ADGRF1: variants seen among roughly 807,000 people sequenced by gnomAD.
The protein encoded by ADGRF1 is adhesion G protein-coupled receptor F1.
A neutral mutation model predicts 87.2 loss-of-function variants in ADGRF1; 85 were observed. The ratio of observed to expected loss-of-function variants is 0.97; its 90% CI spans 0.82 to 1.17. The LOEUF (loss-of-function observed/expected upper bound fraction) is 1.17, where lower values mean the gene tolerates loss of function less well. Among genes scored for constraint, ADGRF1 ranks in the 50% most tolerant of loss-of-function variants. The pLI, the probability that ADGRF1 is intolerant of heterozygous loss-of-function variation, is 0.00. For missense variants in ADGRF1, 1,169 were observed against 1,077.2 expected, an observed-to-expected ratio of 1.09 and a Z score of -1.19; for synonymous variants, 430 against 408.8, an observed-to-expected ratio of 1.05 and a Z score of -0.63.
rs73480729 is a variant in ADGRF1 at position 47,014,892 on chromosome 6, G to A, written c.764-48C>T. 2.6e-6 allele frequency: 4 copies of A among 1,545,296 alleles called. No individual in the cohort carries two copies. The East Asian group carries it at 6.9e-5, about 27-fold the overall frequency. ...AAGAAAAATGATCCTAGAATATCCT[G>A]GCACTCTATATAAACCATGTAGTCA... is the stretch of plus-strand genomic sequence containing the variant. On this transcript the variant is annotated intron_variant, in intron 8 of 14. Transcript: ENST00000371253.
At chr6:47,006,337 C>T (rs1423801873) in intron 12 of ADGRF1, among the ~76,000 whole-genome samples, 1 of 152,048 alleles carries the variant, frequency 6.6e-6, no homozygotes, top group Non-Finnish European at 1.5e-5. Context: ...AAAGACTATA[C>T]ATCTATTAGC....
chr6:47,031,331 T>TTCTCTCTCTCTC (rs368788829), intron 1 of ADGRF1, among the ~76,000 whole-genome samples: 7 of 128,244 alleles, frequency 5.5e-5, no homozygotes, highest in African/African-American at 1.8e-4. Flanking sequence ...TCTCTCTCTC[T>TTCTCTCTCTCTC]TCTCTCTCTC....
rs1296564472 is a variant in ADGRF1 at position 47,009,962 on chromosome 6, T to G, written c.1473A>C (p.Leu491=). The G allele has an allele frequency of 1.2e-6, 2 of 1,614,118 alleles. No homozygotes were observed. The highest frequency in any genetic ancestry group is 1.7e-6 in the Non-Finnish European group (2 of 1,179,984). ...SMASLTLGNI[L]PVSKNGNAQV... Reference sequence around the variant, plus strand: ...GAGCATTTCCATTTTTGGAAACGGGTAGAATGTTCCCCAGAGTCAACGAGG... The same window carrying G: ...GAGCATTTCCATTTTTGGAAACGGGGAGAATGTTCCCCAGAGTCAACGAGG... Residue 491 remains leucine (L), a synonymous_variant, in exon 11 of 15, where the codon CTA becomes CTC. Transcript: ENST00000371253.
At chr6:47,023,043 G>A (rs1255845486) in intron 5 of ADGRF1, among the ~76,000 whole-genome samples, 1 of 151,958 alleles carries the variant, frequency 6.6e-6, no homozygotes, top group Non-Finnish European at 1.5e-5. Flanking sequence ...AACTCCTCCT[G>A]AGCTCAAGCA....
At chr6:47,018,179 AG>A (rs1779936855) in intron 7 of ADGRF1, 2 of 298,284 alleles carry the variant, frequency 6.7e-6, no homozygotes, top group Admixed American at 9.7e-5. Context: ...TCTGGAGTTC[AG>A]GGGAGTGCCC....
rs367783074 is a variant in ADGRF1, at chr6:47,025,963, A to G, written c.168T>C (p.Tyr56=). Reference sequence around the variant, plus strand: ...AATCTCTTTTCTCCTTGGAATCTCTATAGGTCACCTGAAGCAGCAGCTGAT... The same window carrying G: ...AATCTCTTTTCTCCTTGGAATCTCTGTAGGTCACCTGAAGCAGCAGCTGAT... The part of the protein sequence containing the change: ...EEYQLLLQVT[Y]RDSKEKRDLR... Residue 56 remains tyrosine (Y), a synonymous_variant, in exon 4 of 15, where the codon TAT becomes TAC. Coordinates refer to ENST00000371253, the MANE Select transcript of ADGRF1 (RefSeq NM_153840.4). 5.0e-6 allele frequency: 8 copies of G among 1,610,394 alleles called. No homozygotes were observed. Among genetic ancestry groups the G allele is most frequent in the African/African-American group, 1.3e-5 (1 of 75,010 alleles).
chr6:47,033,592 C>T (rs1170019037), intron 1 of ADGRF1, among the ~76,000 whole-genome samples: 1 of 152,260 alleles, frequency 6.6e-6, no homozygotes, highest in Non-Finnish European at 1.5e-5. Flanking sequence ...TCCGTCTTGG[C>T]CTCACATGCG....
intron 13 of ADGRF1, among the ~76,000 whole-genome samples, chr6:47,004,185 A>G (rs1290318134): frequency 6.6e-6 from 1 of 152,132 alleles, no homozygotes; most frequent in Non-Finnish European, 1.5e-5. Flanking sequence ...TTTGCTCACC[A>G]GCGAGTTTCT....
chr6:46,999,356 G>A lies in ADGRF1; in HGVS notation c.*866C>T, dbSNP rs1372313860. 6.6e-6 allele frequency: 1 copy of A among 152,176 alleles called. No homozygotes were observed. The highest frequency in any genetic ancestry group is 2.4e-5 in the African/African-American group (1 of 41,438). 9.4% of individuals were successfully genotyped at this position (152,176 alleles called of 1,614,324 possible). On this transcript the variant is annotated 3_prime_UTR_variant, in exon 15 of 15. Coordinates refer to ENST00000371253, the MANE Select transcript of ADGRF1 (RefSeq NM_153840.4). ...ATGGTGAACTGTGTAACTGACCTCA[G>A]AAAGATTTACTAGAGATGTAGGTAA...
rs150127720 is a variant in ADGRF1 at position 47,016,755 on chromosome 6, C to T, written c.625G>A (p.Val209Ile). ...QVTQFRNGSI[V>I]AGYEVVGSSS... ...GAGCCAACAACTTCATACCCAGCAA[C>T]GATGCTTCCATTTCTGCAGTGATTA... The change falls in exon 8 of 15, where the codon GTT becomes ATT. Residue 209 changes from valine (V) to isoleucine (I), a missense_variant. Transcript: ENST00000371253. 8.8e-6 allele frequency: 14 copies of T among 1,584,328 alleles called. No homozygotes were observed. The highest frequency in any genetic ancestry group is 1.7e-4 in the Middle Eastern group (1 of 5,988).
intron 2 of ADGRF1, among the ~76,000 whole-genome samples, chr6:47,028,072 G>A (rs754473207): frequency 3.5e-4 from 53 of 152,304 alleles, no homozygotes; most frequent in African/African-American, 1.3e-3. Context: ...ATAGGCCATG[G>A]AAAGGGTTTT....
intron 5 of ADGRF1, among the ~76,000 whole-genome samples, chr6:47,023,475 C>T (rs960275717): frequency 6.6e-6 from 1 of 152,164 alleles, no homozygotes; most frequent in Non-Finnish European, 1.5e-5. Context: ...TGTCATTTGG[C>T]TCATCTCACC....
chr6:47,021,134 A>G (rs936543615), intron 6 of ADGRF1, among the ~76,000 whole-genome samples: 2 of 152,206 alleles, frequency 1.3e-5, no homozygotes, highest in Admixed American at 6.5e-5. Context: ...AAAACAAGCC[A>G]TTAATTTTTA....
In ADGRF1 at chr6:47,009,408, A is replaced by G. The variant is rs1436601706; in HGVS notation, c.2027T>C (p.Leu676Pro). 2 of 1,613,852 alleles carry G rather than the reference A, an allele frequency of 1.2e-6. No homozygotes were observed. The highest frequency in any genetic ancestry group is 1.7e-6 in the Non-Finnish European group (2 of 1,179,920). ...GTAAGCCAGCAGGATGCCAAGCATG[A>G]GCATCCAGAAGAACAAAGAGAGGTA... ...FFYLSLFFWM[L>P]MLGILLAYRI... is the part of the protein sequence containing the mutation. The change falls in exon 11 of 15, where the codon CTC (leucine) becomes CCC (proline). Residue 676 changes from leucine to proline, a missense_variant. Leu to Pro is a moderately conservative substitution (Grantham distance 98). Transcript: ENST00000371253.
intron 1 of ADGRF1, among the ~76,000 whole-genome samples, chr6:47,029,795 T>G (rs142933772): frequency 5.9e-5 from 9 of 152,332 alleles, no homozygotes; most frequent in African/African-American, 1.9e-4. Context: ...AATTTAAAAT[T>G]CAGTTGCTCA....
At chr6:47,010,828 A>G (rs1779683907) in intron 10 of ADGRF1, among the ~76,000 whole-genome samples, 1 of 152,250 alleles carries the variant, frequency 6.6e-6, no homozygotes, top group Non-Finnish European at 1.5e-5. Flanking sequence ...TACTACATAA[A>G]GCAAAACAAT....
chr6:47,013,589 T>C (rs1444482673), intron 9 of ADGRF1: 1 of 985,376 alleles, frequency 1.0e-6, no homozygotes, highest in Non-Finnish European at 1.2e-6. Context: ...TAGATATTTA[T>C]TTCCTTCTTT....
chr6:47,040,663 C>T (rs1259495880), intron 1 of ADGRF1, among the ~76,000 whole-genome samples: 1 of 152,154 alleles, frequency 6.6e-6, no homozygotes, highest in Non-Finnish European at 1.5e-5. Flanking sequence ...GTGACGCACA[C>T]CCCACCACTG....
At chr6:47,028,044 C>G (rs1295207772) in intron 2 of ADGRF1, among the ~76,000 whole-genome samples, 1 of 152,042 alleles carries the variant, frequency 6.6e-6, no homozygotes, top group Non-Finnish European at 1.5e-5. Context: ...TCTGGGGAGG[C>G]AGGTTGTGCA....
Sources: allele counts gnomAD v4.1 joint callset (sites outside exome capture counted in the v4.1 genomes callset), GRCh38; gene constraint gnomAD v4.1.1; transcripts MANE v1.5; gene names NCBI Gene and HGNC (gene_info 2026-07-23, HGNC 2026-07-21).